TMEFF2: variants seen among roughly 807,000 people sequenced by gnomAD.
TMEFF2 encodes tomoregulin-2.
TMEFF2 carries 28 observed loss-of-function variants against 53.8 expected under a neutral mutation model. The observed-to-expected ratio is 0.52, with a 90% confidence interval of 0.39 to 0.71. The LOEUF is 0.71. TMEFF2 is among the 30% of genes least tolerant of loss of function. The pLI is 0.00. For missense variants in TMEFF2, 353 were observed against 455.2 expected (o/e 0.78, Z 2.04); for synonymous variants, 162 against 166.3 (o/e 0.97, Z 0.20).
chr2:192,130,445 C>A (rs1319120101), intron 4 of TMEFF2, among the ~76,000 whole-genome samples: 1 of 152,148 alleles, frequency 6.6e-6, no homozygotes, highest in Non-Finnish European at 1.5e-5. Context: ...ACATATACAC[C>A]CAGATGGCCT....
intron 4 of TMEFF2, among the ~76,000 whole-genome samples, chr2:192,091,387 C>T (rs911280693): frequency 2.0e-5 from 3 of 152,068 alleles, no homozygotes; most frequent in Non-Finnish European, 4.4e-5. Context: ...CTCCCCTGCC[C>T]CTAACTCCCC....
chr2:192,003,523 A>C (rs1335047649), intron 5 of TMEFF2, among the ~76,000 whole-genome samples: 1 of 152,206 alleles, frequency 6.6e-6, no homozygotes, highest in Non-Finnish European at 1.5e-5. Flanking sequence ...CTTCTCAAAC[A>C]AGCAATCCAG....
rs1687676470 is a variant in TMEFF2 at position 192,048,361 on chromosome 2, A to ACACACACACAC, written c.536+9317_536+9318insGTGTGTGTGTG. Among the ~76,000 whole-genome samples, 904 of 143,248 alleles carry ACACACACACAC rather than the reference A, an allele frequency of 6.3e-3. 19 individuals are homozygous for ACACACACACAC. The highest frequency in any genetic ancestry group is 0.02 in the African/African-American group (765 of 38,328). 94.0% of individuals were successfully genotyped at this position (143,248 alleles called of 152,430 possible). A position where few individuals can be genotyped will look rare whatever the true frequency, so the allele number is the denominator to read the frequency against. The stretch of plus-strand genomic sequence containing the variant: ...GTAAAATATTATTAGATTCTCATAA[A>ACACACACACAC]ACACACACACACACACACACACACA... On this transcript the variant is annotated intron_variant, in intron 5 of 9. Transcript: ENST00000272771.
chr2:192,192,578 C>T (rs548051554), intron 1 of TMEFF2, among the ~76,000 whole-genome samples: 59 of 152,246 alleles, frequency 3.9e-4, no homozygotes, highest in Non-Finnish European at 1.9e-4. Context: ...GGGGTGGAAG[C>T]GGGGTGCCAA....
intron 7 of TMEFF2, among the ~76,000 whole-genome samples, chr2:191,988,084 C>T (rs1686021152): frequency 6.6e-6 from 1 of 152,104 alleles, no homozygotes; most frequent in Non-Finnish European, 1.5e-5. Context: ...CAACCAGCTT[C>T]AATATTAGAA....
At chr2:191,974,375 A>T (rs1692740401) in intron 7 of TMEFF2, among the ~76,000 whole-genome samples, 1 of 152,062 alleles carries the variant, frequency 6.6e-6, no homozygotes, top group Non-Finnish European at 1.5e-5. Context: ...CTGTAATAGG[A>T]TACTGTATAT....
At chr2:192,192,930 T>C (rs554619328) in intron 1 of TMEFF2, among the ~76,000 whole-genome samples, 96 of 152,352 alleles carry the variant, frequency 6.3e-4, no homozygotes, top group Non-Finnish European at 1.1e-3. Flanking sequence ...TTGAGTTTTA[T>C]TAAAATGCCA....
intron 4 of TMEFF2, among the ~76,000 whole-genome samples, chr2:192,095,180 C>T (rs1418214109): frequency 6.6e-6 from 1 of 152,116 alleles, no homozygotes; most frequent in East Asian, 1.9e-4. Flanking sequence ...TCCTATTAGG[C>T]TTCTTCCTTT....
chr2:191,978,804 A>C (rs1685791163), intron 7 of TMEFF2, among the ~76,000 whole-genome samples: 1 of 152,174 alleles, frequency 6.6e-6, no homozygotes, highest in African/African-American at 2.4e-5. Context: ...GGTCAGTAAA[A>C]ATTACATAAA....
rs555008986 is a variant in TMEFF2 at position 192,001,798 on chromosome 2, G to A, written c.537-2590C>T. ...GATTGTGAGGCCTCCCTACCCACGT[G>A]GAACTGTGAGTCCATTAAACCTCTT... is the stretch of plus-strand genomic sequence containing the variant. On this transcript the variant is annotated intron_variant, in intron 5 of 9. Coordinates refer to ENST00000272771, the MANE Select transcript of TMEFF2 (RefSeq NM_016192.4). 1.7e-4 allele frequency among the ~76,000 whole-genome samples: 26 copies of A among 152,240 alleles called. No individual in the cohort carries two copies. The South Asian group carries it at 3.5e-3, about 21-fold the overall frequency.
chr2:192,168,778 G>T (rs778007724), intron 4 of TMEFF2, among the ~76,000 whole-genome samples: 2 of 151,994 alleles, frequency 1.3e-5, no homozygotes, highest in Non-Finnish European at 2.9e-5. Context: ...GGCAGCATGC[G>T]AATGTGAGTG....
chr2:192,100,795 C>T (rs764528579), intron 4 of TMEFF2, among the ~76,000 whole-genome samples: 1 of 152,010 alleles, frequency 6.6e-6, no homozygotes, highest in Non-Finnish European at 1.5e-5. Flanking sequence ...TCCAGAAAAC[C>T]ATAAAATGCA....
chr2:192,136,446 CA>C (rs1462143840), intron 4 of TMEFF2, among the ~76,000 whole-genome samples: 1 of 152,136 alleles, frequency 6.6e-6, no homozygotes, highest in Non-Finnish European at 1.5e-5. Context: ...TACATGGTAT[CA>C]TTTTTTTATA....
intron 4 of TMEFF2, among the ~76,000 whole-genome samples, chr2:192,132,000 C>G (rs1000247828): frequency 3.2e-4 from 48 of 152,154 alleles, no homozygotes; most frequent in Admixed American, 2.0e-3. Flanking sequence ...CAACTCGTCC[C>G]AAATCTTCCT....
At chr2:191,976,625 A>C (rs749861282) in intron 7 of TMEFF2, among the ~76,000 whole-genome samples, 1 of 152,198 alleles carries the variant, frequency 6.6e-6, no homozygotes, top group Non-Finnish European at 1.5e-5. Flanking sequence ...AATTTCCTTC[A>C]TTCCTCAAGG....
At position 191,949,850 on chromosome 2, in the gene TMEFF2, A is replaced by G. The variant is rs900930363; in HGVS notation, c.*461T>C. 4.1e-6 allele frequency: 4 copies of G among 985,932 alleles called. No individual in the cohort carries two copies. The highest frequency in any genetic ancestry group is 4.8e-6 in the Non-Finnish European group (4 of 830,136). The allele number at this position is 985,932 out of a possible 1,614,324, so 61.1% of individuals were successfully genotyped here. A position where few individuals can be genotyped will look rare whatever the true frequency, so the allele number is the denominator to read the frequency against. On this transcript the variant is annotated 3_prime_UTR_variant, in exon 10 of 10. Transcript: ENST00000272771. ...TTATTTTTTCTCTTTTCCAATAACCATCATTTCCCTTGATCTTGGAATCAT... is the reference window on the plus strand; with the variant it reads ...TTATTTTTTCTCTTTTCCAATAACCGTCATTTCCCTTGATCTTGGAATCAT...
intron 7 of TMEFF2, among the ~76,000 whole-genome samples, chr2:191,996,866 A>ATCCTTTT (rs1323350590): frequency 6.6e-6 from 1 of 151,984 alleles, no homozygotes; most frequent in Non-Finnish European, 1.5e-5. Flanking sequence ...GGGCTGGGTT[A>ATCCTTTT]GCCACGGGTT....
intron 4 of TMEFF2, among the ~76,000 whole-genome samples, chr2:192,101,373 A>C (rs1327688900): frequency 6.6e-6 from 1 of 152,194 alleles, no homozygotes; most frequent in Non-Finnish European, 1.5e-5. Flanking sequence ...AAAATGAAAA[A>C]AACTCTAGAG....
chr2:192,134,429 A>G (rs183978592), intron 4 of TMEFF2, among the ~76,000 whole-genome samples: 2,358 of 152,216 alleles, frequency 0.015, 60 homozygotes, highest in African/African-American at 0.054. Flanking sequence ...ATCGCCACAC[A>G]CCAGCAAAGG....
Sources: allele counts gnomAD v4.1 joint callset (sites outside exome capture counted in the v4.1 genomes callset), GRCh38; gene constraint gnomAD v4.1.1; transcripts MANE v1.5; gene names NCBI Gene and HGNC (gene_info 2026-07-23, HGNC 2026-07-21).